CADPS: variants seen among roughly 807,000 people sequenced by gnomAD.
CADPS encodes calcium dependent secretion activator.
A neutral mutation model predicts 167.3 loss-of-function variants in CADPS; 57 were observed. The observed-to-expected ratio is 0.34, with a 90% confidence interval of 0.28 to 0.42. The LOEUF is 0.42. Ranked by LOEUF, CADPS falls within the 20% of genes least tolerant of loss-of-function variation. CADPS has a pLI of 1.00. For missense variants in CADPS, 1,414 were observed against 1,738.1 expected, an observed-to-expected ratio of 0.81 and a Z score of 3.32; for synonymous variants, 676 against 635.3, an observed-to-expected ratio of 1.06 and a Z score of -0.96.
At chr3:62,500,769 A>C (rs2065641273) in intron 17 of CADPS, among the ~76,000 whole-genome samples, 1 of 152,186 alleles carries the variant, frequency 6.6e-6, no homozygotes, top group Non-Finnish European at 1.5e-5. Context: ...GGGTGGGAGG[A>C]AGTAGGCAGA....
chr3:62,797,004 C>A (rs1047030852), intron 1 of CADPS, among the ~76,000 whole-genome samples: 5 of 152,098 alleles, frequency 3.3e-5, no homozygotes, highest in Non-Finnish European at 5.9e-5. Flanking sequence ...CTTATATTTA[C>A]AATTTTACCA....
intron 3 of CADPS, among the ~76,000 whole-genome samples, chr3:62,706,382 C>T (rs982641626): frequency 1.6e-4 from 24 of 152,092 alleles, no homozygotes; most frequent in African/African-American, 4.8e-4. Context: ...AATTTGATCA[C>T]GGACTTTGCA....
At chr3:62,767,439 ATT>A (rs1193999808) in intron 1 of CADPS, among the ~76,000 whole-genome samples, 6 of 152,216 alleles carry the variant, frequency 3.9e-5, no homozygotes, top group African/African-American at 1.4e-4. Context: ...AGTTATAGCT[ATT>A]CAATAACATA....
intron 5 of CADPS, among the ~76,000 whole-genome samples, chr3:62,647,556 T>C (rs941668315): frequency 1.3e-5 from 2 of 152,224 alleles, no homozygotes; most frequent in African/African-American, 4.8e-5. Flanking sequence ...ACTTCATTTT[T>C]CTTTCAAATC....
chr3:62,600,066 G>A (rs1292941012), intron 6 of CADPS, among the ~76,000 whole-genome samples: 1 of 146,628 alleles, frequency 6.8e-6, no homozygotes, highest in Non-Finnish European at 1.5e-5. Flanking sequence ...TCAGGGGATT[G>A]TAGAGAGGTG....
At chr3:62,437,340 CTTT>C (rs11295364) in intron 28 of CADPS, among the ~76,000 whole-genome samples, 16 of 128,200 alleles carry the variant, frequency 1.2e-4, no homozygotes, top group East Asian at 4.5e-4. Flanking sequence ...AAGCAGGTTC[CTTT>C]TTTTTTTTTT....
intron 23 of CADPS, among the ~76,000 whole-genome samples, chr3:62,475,406 A>G (rs943804817): frequency 1.3e-5 from 2 of 152,066 alleles, no homozygotes; most frequent in Admixed American, 1.3e-4. Context: ...CAAGTTCTGG[A>G]GATCATACAG....
At chr3:62,573,902 T>C (rs1162630064) in intron 8 of CADPS, among the ~76,000 whole-genome samples, 2 of 152,244 alleles carry the variant, frequency 1.3e-5, no homozygotes, top group East Asian at 1.9e-4. Flanking sequence ...TTCCTTTCAG[T>C]TCCTGATAGA....
At chr3:62,719,243 T>G (rs6445297) in intron 3 of CADPS, among the ~76,000 whole-genome samples, 83,383 of 152,020 alleles carry the variant, frequency 0.55, 23,238 homozygotes, top group East Asian at 0.74. Context: ...CATACAGACT[T>G]TCTTTCAACC....
chr3:62,690,202 G>T (rs1244229722), intron 3 of CADPS, among the ~76,000 whole-genome samples: 1 of 151,970 alleles, frequency 6.6e-6, no homozygotes, highest in Non-Finnish European at 1.5e-5. Context: ...CCCCTGTTAA[G>T]TGGGATGTTA....
At position 62,477,981 on chromosome 3, in the gene CADPS, A is replaced by G. The variant is rs546444586; in HGVS notation, c.3329+280T>C. ...AGTATTTTGTGCCAGACACTGCTAG[A>G]TATCAGGGATACAAAAAAGAATGGA... On this transcript the variant is annotated intron_variant, in intron 23 of 29. Transcript: ENST00000383710. The G allele has an allele frequency of 2.0e-5, 8 of 396,766 alleles. No individual in the cohort carries two copies. The South Asian group carries it at 3.4e-4, about 17-fold the overall frequency. The allele number at this position is 396,766 out of a possible 1,614,324, so 24.6% of individuals were successfully genotyped here.
intron 9 of CADPS, among the ~76,000 whole-genome samples, chr3:62,562,053 A>G (rs1196726667): frequency 6.6e-6 from 1 of 152,156 alleles, no homozygotes; most frequent in African/African-American, 2.4e-5. Flanking sequence ...TGATTTCACA[A>G]ATGTGTTATT....
chr3:62,787,469 CATA>C (rs1283409849), intron 1 of CADPS, among the ~76,000 whole-genome samples: 3 of 152,088 alleles, frequency 2.0e-5, no homozygotes, highest in Non-Finnish European at 4.4e-5. Context: ...ATGTATTTAT[CATA>C]CCATTGATAA....
intron 27 of CADPS, among the ~76,000 whole-genome samples, chr3:62,442,860 G>A (rs191422768): frequency 6.6e-6 from 1 of 152,122 alleles, no homozygotes; most frequent in South Asian, 2.1e-4. Context: ...CCCCTCCTAG[G>A]ATTGATTTCA....
intron 3 of CADPS, among the ~76,000 whole-genome samples, chr3:62,688,048 G>A (rs1482575508): frequency 2.0e-5 from 3 of 152,024 alleles, no homozygotes; most frequent in African/African-American, 7.2e-5. Flanking sequence ...ATACTGGTCA[G>A]GTGGTAAGGC....
intron 13 of CADPS, among the ~76,000 whole-genome samples, chr3:62,528,080 A>G (rs1457429835): frequency 1.7e-4 from 26 of 152,180 alleles, no homozygotes; most frequent in Admixed American, 1.7e-3. Flanking sequence ...AGTTTTGGCC[A>G]TCTTCAGGCT....
chr3:62,710,693 A>G (rs186796353), intron 3 of CADPS, among the ~76,000 whole-genome samples: 2 of 152,098 alleles, frequency 1.3e-5, no homozygotes, highest in East Asian at 1.9e-4. Context: ...ACCAATTTAG[A>G]TTCTAGAACA....
At chr3:62,845,554 T>C (rs2153067451) in intron 1 of CADPS, among the ~76,000 whole-genome samples, 1 of 152,294 alleles carries the variant, frequency 6.6e-6, no homozygotes, top group Middle Eastern at 3.4e-3. Flanking sequence ...AGAGCCTTTA[T>C]CATAATTATA....
intron 5 of CADPS, 54 bp downstream of exon 5, chr3:62,650,793 G>T: frequency 7.6e-7 from 1 of 1,314,094 alleles, no homozygotes; most frequent in Non-Finnish European, 1.1e-6. Context: ...GCATCTAATC[G>T]CCCATGTCCT....
Sources: gnomAD v4.1 joint callset for allele counts (sites outside exome capture counted in the v4.1 genomes callset) on GRCh38, gnomAD v4.1.1 for gene constraint, MANE v1.5 for transcripts, NCBI Gene and HGNC (gene_info 2026-07-23, HGNC 2026-07-21) for gene names.